Variants in ANXA8 observed in about 807,000 individuals in gnomAD.
ANXA8 encodes VAC-beta.
ANXA8 carries 9 observed loss-of-function variants against 26.8 expected under a neutral mutation model. The ratio of observed to expected loss-of-function variants is 0.34; its 90% CI spans 0.20 to 0.59. The LOEUF (loss-of-function observed/expected upper bound fraction) is 0.59, where lower values mean the gene tolerates loss of function less well. Among genes scored for constraint, ANXA8 ranks in the 20% least tolerant of loss-of-function variants. ANXA8 has a pLI of 0.84. For synonymous variants in ANXA8, 39 were observed against 94.8 expected (o/e 0.41, Z 3.42); for missense variants, 83 against 238.5 (o/e 0.35, Z 4.29).
the ANXA8 span, among the ~76,000 whole-genome samples, chr10:47,894,885 AAC>A: frequency 2.0e-5 from 3 of 152,222 alleles, no homozygotes; most frequent in African/African-American, 7.2e-5. Context: ...TACACAATAC[AAC>A]ACACACACAA....
At chr10:47,607,250 T>C in the ANXA8 span, among the ~76,000 whole-genome samples, 2 of 140,888 alleles carry the variant, frequency 1.4e-5, no homozygotes, top group Non-Finnish European at 3.0e-5. Flanking sequence ...TATATACATA[T>C]GTGTATAAAT....
chr10:47,944,388 C>T, the ANXA8 span, among the ~76,000 whole-genome samples: 1 of 149,334 alleles, frequency 6.7e-6, no homozygotes, highest in African/African-American at 2.5e-5. Context: ...ACTCTGCTCC[C>T]AAGTGAATGT....
chr10:47,747,163 C>T, the ANXA8 span, among the ~76,000 whole-genome samples: 14 of 151,164 alleles, frequency 9.3e-5, no homozygotes, highest in Middle Eastern at 3.4e-3. Context: ...GCTAAGAGGC[C>T]GAGCATTTGG....
At chr10:47,655,754 C>T in the ANXA8 span, among the ~76,000 whole-genome samples, 2 of 152,006 alleles carry the variant, frequency 1.3e-5, no homozygotes, top group African/African-American at 4.8e-5. Flanking sequence ...GGCAAGGTGG[C>T]TCATGCCTGT....
At chr10:47,593,600 A>G in the ANXA8 span, among the ~76,000 whole-genome samples, 1 of 149,772 alleles carries the variant, frequency 6.7e-6, no homozygotes, top group Non-Finnish European at 1.5e-5. Context: ...AAAACAAGCA[A>G]CATCTGTGAA....
At chr10:47,762,217 G>A in the ANXA8 span, among the ~76,000 whole-genome samples, 1 of 151,980 alleles carries the variant, frequency 6.6e-6, no homozygotes, top group Non-Finnish European at 1.5e-5. Flanking sequence ...CGCGGTGGAC[G>A]AGGTGGGGAG....
the ANXA8 span, among the ~76,000 whole-genome samples, chr10:47,631,544 G>A: frequency 6.6e-6 from 1 of 150,862 alleles, no homozygotes. Context: ...AGCCACATGT[G>A]AGACTAATTT....
chr10:47,895,188 G>A, the ANXA8 span, among the ~76,000 whole-genome samples: 10 of 150,950 alleles, frequency 6.6e-5, no homozygotes, highest in Non-Finnish European at 1.0e-4. Context: ...TGGAAGCCCC[G>A]GGATGCTCCT....
the ANXA8 span, among the ~76,000 whole-genome samples, chr10:47,720,409 A>C: frequency 6.8e-6 from 1 of 146,872 alleles, no homozygotes; most frequent in Non-Finnish European, 1.5e-5. Context: ...TAAAGGCTAA[A>C]AGTATCATAT....
chr10:47,508,765 T>TC, the ANXA8 span, among the ~76,000 whole-genome samples: 2 of 84,392 alleles, frequency 2.4e-5, no homozygotes, highest in Admixed American at 1.3e-4. Context: ...ATGCTTTTCT[T>TC]CACAGAAAGA....
the ANXA8 span, among the ~76,000 whole-genome samples, chr10:47,942,085 C>T: frequency 6.8e-6 from 1 of 147,478 alleles, no homozygotes; most frequent in Non-Finnish European, 1.5e-5. Flanking sequence ...TGGAAATGCA[C>T]TTATACATTC....
At chr10:47,705,659 C>T in the ANXA8 span, among the ~76,000 whole-genome samples, 8 of 151,264 alleles carry the variant, frequency 5.3e-5, no homozygotes, top group African/African-American at 1.9e-4. Context: ...AGTTACTTCA[C>T]AATCTTTGTT....
the ANXA8 span, among the ~76,000 whole-genome samples, chr10:47,768,611 G>A: frequency 2.7e-5 from 4 of 150,396 alleles, no homozygotes; most frequent in African/African-American, 9.9e-5. Flanking sequence ...GGCTGGGGAG[G>A]GGGGTGTGCT....
chr10:47,687,629 G>A, the ANXA8 span, among the ~76,000 whole-genome samples: 3 of 151,882 alleles, frequency 2.0e-5, no homozygotes, highest in African/African-American at 7.2e-5. Flanking sequence ...AATGTATTTT[G>A]AACTTGAAGG....
chr10:47,607,489 A>G, the ANXA8 span, among the ~76,000 whole-genome samples: 1 of 149,884 alleles, frequency 6.7e-6, no homozygotes, highest in East Asian at 1.9e-4. Flanking sequence ...GCAAATTACA[A>G]TATTAGAACA....
the ANXA8 span, among the ~76,000 whole-genome samples, chr10:47,646,688 C>A: frequency 2.0e-5 from 3 of 151,660 alleles, no homozygotes; most frequent in African/African-American, 7.3e-5. Flanking sequence ...CATCTGTAAC[C>A]AACCAAGCAC....
At chr10:47,727,133 C>T in the ANXA8 span, among the ~76,000 whole-genome samples, 1 of 152,306 alleles carries the variant, frequency 6.6e-6, no homozygotes, top group African/African-American at 2.4e-5. Flanking sequence ...ACTTGCTTTA[C>T]ACCTGTTAGT....
At chr10:47,594,990 A>G in the ANXA8 span, among the ~76,000 whole-genome samples, 1 of 149,402 alleles carries the variant, frequency 6.7e-6, no homozygotes, top group Non-Finnish European at 1.5e-5. Context: ...ACACAAAAGA[A>G]AAAACAAATC....
the ANXA8 span, among the ~76,000 whole-genome samples, chr10:47,614,045 T>C: frequency 3.2e-3 from 240 of 74,252 alleles, 68 homozygotes; most frequent in African/African-American, 8.7e-3. Flanking sequence ...AACTCAAGTC[T>C]GGCTACCTGA....
Sources: gnomAD v4.1 joint callset for allele counts (sites outside exome capture counted in the v4.1 genomes callset) on GRCh38, gnomAD v4.1.1 for gene constraint, MANE v1.5 for transcripts, NCBI Gene and HGNC (gene_info 2026-07-23, HGNC 2026-07-21) for gene names.